Variants in CRYZL1 observed in about 807,000 individuals in gnomAD.
CRYZL1 encodes the protein ferry endosomal RAB5 effector complex subunit 4.
Under a neutral mutation model 50.6 loss-of-function variants are expected in CRYZL1, and 34 were observed. That is an observed-to-expected ratio of 0.67 (90% CI 0.51 to 0.89). The LOEUF (loss-of-function observed/expected upper bound fraction) is 0.89. CRYZL1 is among the 40% of genes least tolerant of loss of function. The pLI is 0.00. For synonymous variants in CRYZL1, 125 were observed against 134.3 expected, an observed-to-expected ratio of 0.93 and a Z score of 0.48; for missense variants, 354 against 402.3, an observed-to-expected ratio of 0.88 and a Z score of 1.03.
rs61735780 is a variant in CRYZL1 at position 33,599,168 on chromosome 21, T to C, written c.658A>G (p.Ile220Val). The C allele has an allele frequency of 4.8e-3, 7,735 of 1,613,974 alleles. 24 individuals are homozygous for C. Among genetic ancestry groups the C allele is most frequent in the Non-Finnish European group, 5.1e-3 (6,038 of 1,179,910 alleles). Residue 220 changes from isoleucine (I) to valine (V), a missense_variant, in exon 9 of 13, where the codon ATT becomes GTT. Physicochemically the swap from Ile to Val is conservative, Grantham distance 29. Coordinates refer to ENST00000381554, the MANE Select transcript of CRYZL1 (RefSeq NM_145858.3). ...LEETGGLGVD[I>V]VLDAGVRLYS... is the part of the protein sequence containing the mutation. ...TACCTACCTCCAGCATCTAGGACAA[T>C]ATCTACTCCCAGGCCACCTGTTTCT...
intron 4 of CRYZL1, among the ~76,000 whole-genome samples, chr21:33,621,338 C>T (rs1276797557): frequency 6.7e-6 from 1 of 149,654 alleles, no homozygotes; most frequent in Non-Finnish European, 1.5e-5. Flanking sequence ...AATTTTTTTT[C>T]AAATTAATAG....
At chr21:33,623,314 C>G (rs1229498715) in intron 3 of CRYZL1, among the ~76,000 whole-genome samples, 1 of 152,094 alleles carries the variant, frequency 6.6e-6, no homozygotes, top group African/African-American at 2.4e-5. Flanking sequence ...ATGGTTTTAG[C>G]AATTGCATCC....
At chr21:33,613,508 T>A (rs771036640) in intron 6 of CRYZL1, 30 bp downstream of exon 6, 1 of 1,447,264 alleles carries the variant, frequency 6.9e-7, no homozygotes. Context: ...AAGACTTATG[T>A]GAGCTCCAAA....
chr21:33,616,557 G>T (rs1253561913), intron 5 of CRYZL1, 149 bp downstream of exon 5: 1 of 1,507,470 alleles, frequency 6.6e-7, no homozygotes. Context: ...CTCCCAACGT[G>T]CTGGGATTAC....
At chr21:33,634,010 C>A (rs541734126) in intron 1 of CRYZL1, among the ~76,000 whole-genome samples, 1 of 151,994 alleles carries the variant, frequency 6.6e-6, no homozygotes, top group African/African-American at 2.4e-5. Flanking sequence ...GTTGGTTTCT[C>A]GGACGTGATA....
chr21:33,622,164 A>G (rs2087010887), intron 3 of CRYZL1, 96 bp from the exon 4 acceptor site: 1 of 952,532 alleles, frequency 1.0e-6, no homozygotes, highest in Non-Finnish European at 1.6e-6. Context: ...CAAATCACAG[A>G]AAGAGCAAAT....
At chr21:33,630,272 T>C (rs1569092822) in intron 2 of CRYZL1, among the ~76,000 whole-genome samples, 1 of 152,136 alleles carries the variant, frequency 6.6e-6, no homozygotes, top group Non-Finnish European at 1.5e-5. Flanking sequence ...AAAATATGAA[T>C]GTTCCTCAAA....
chr21:33,620,816 A>G lies in CRYZL1; in HGVS notation c.217+1180T>C, dbSNP rs150872242. Among the ~76,000 whole-genome samples the G allele has an allele frequency of 5.4e-3, 816 of 151,676 alleles. 6 individuals carry two copies. Among genetic ancestry groups the G allele is most frequent in the African/African-American group, 0.019 (777 of 41,414 alleles). On this transcript the variant is annotated intron_variant, in intron 4 of 12. Transcript: ENST00000381554. ...CAGAGTGAGACTCTGAAAAAAAACA[A>G]AAACAAAACAAAACAAAACAAAAAC...
intron 5 of CRYZL1, among the ~76,000 whole-genome samples, chr21:33,614,211 C>T (rs1177626676): frequency 1.3e-5 from 2 of 148,234 alleles, no homozygotes; most frequent in Non-Finnish European, 3.0e-5. Flanking sequence ...ATGGGTTGGG[C>T]ATGGTGGTTC....
At position 33,602,301 on chromosome 21, in the gene CRYZL1, G is replaced by C. The variant is rs370262856; in HGVS notation, c.510C>G (p.Ala170=). The change falls in exon 8 of 13, where the codon GCC becomes GCG. Residue 170 remains alanine (A), a synonymous_variant. Transcript: ENST00000381554. ...IAIQLAHHRG[A]KVISTACSLE... ...GGCTGCATGCTGTTGAAATCACTTT[G>C]GCTCCTCTATGATGTGCTAACTGAA... 6 of 1,612,620 alleles carry C rather than the reference G, an allele frequency of 3.7e-6. No individual in the cohort carries two copies. The African/African-American group carries it at 6.7e-5, about 18-fold the overall frequency.
intron 2 of CRYZL1, among the ~76,000 whole-genome samples, chr21:33,627,767 C>T (rs1331705235): frequency 1.5e-5 from 2 of 132,516 alleles, no homozygotes; most frequent in Non-Finnish European, 3.1e-5. Context: ...TTTTTTGAGA[C>T]CGAGTCTTGC....
intron 1 of CRYZL1, chr21:33,640,066 T>C (rs2087260262): frequency 7.2e-7 from 1 of 1,385,724 alleles, no homozygotes; most frequent in Admixed American, 2.2e-5. Flanking sequence ...CCTCAAGTGA[T>C]CCACCCGCCT....
At chr21:33,599,275 T>A in intron 8 of CRYZL1, 27 bp from the exon 9 acceptor site, 1 of 1,613,772 alleles carries the variant, frequency 6.2e-7, no homozygotes, top group Non-Finnish European at 8.5e-7. Context: ...ATCAGGCAAT[T>A]GTACTGTTCT....
At chr21:33,595,910 A>G in intron 10 of CRYZL1, 74 bp from the exon 11 acceptor site, 1 of 951,560 alleles carries the variant, frequency 1.1e-6, no homozygotes, top group African/African-American at 1.6e-5. Flanking sequence ...CTCGAGTCAG[A>G]AAAACTTCTA....
At position 33,595,780 on chromosome 21, in the gene CRYZL1, C is replaced by T; in HGVS notation, c.855G>A (p.Leu285=). Residue 285 remains leucine, a synonymous_variant, in exon 11 of 13, where the codon CTG becomes CTA. Coordinates refer to ENST00000381554, the MANE Select transcript of CRYZL1 (RefSeq NM_145858.3). ...LFLKGATLAF[L]NDEVWNLSNV... is the part of the protein sequence containing the mutation. ...TTGACAAATTCCAAACTTCATCATT[C>T]AGGAAAGCTAACGTTGCTCCCTTGA... is the stretch of plus-strand genomic sequence containing the variant. The T allele has an allele frequency of 6.2e-7, 1 of 1,614,132 alleles. No homozygotes were observed. Among genetic ancestry groups the T allele is most frequent in the Non-Finnish European group, 8.5e-7 (1 of 1,179,980 alleles).
At chr21:33,621,773 G>A (rs371938303) in intron 4 of CRYZL1, among the ~76,000 whole-genome samples, 8 of 152,280 alleles carry the variant, frequency 5.3e-5, no homozygotes, top group African/African-American at 1.9e-4. Context: ...CAGCAGGATT[G>A]CTTGAACCCA....
At chr21:33,614,085 T>A (rs2145938190) in intron 5 of CRYZL1, among the ~76,000 whole-genome samples, 1 of 149,674 alleles carries the variant, frequency 6.7e-6, no homozygotes, top group East Asian at 2.0e-4. Flanking sequence ...GGCAGGAGAA[T>A]CGCTTGAACC....
intron 2 of CRYZL1, among the ~76,000 whole-genome samples, chr21:33,630,806 T>C (rs529157270): frequency 2.6e-5 from 4 of 152,182 alleles, no homozygotes; most frequent in South Asian, 2.1e-4. Flanking sequence ...CAGAATACTA[T>C]TCAGCCATAA....
At chr21:33,619,999 T>C (rs2086975593) in intron 4 of CRYZL1, among the ~76,000 whole-genome samples, 1 of 152,196 alleles carries the variant, frequency 6.6e-6, no homozygotes, top group South Asian at 2.1e-4. Context: ...CCCTAGAGAG[T>C]GAACCGTTTA....
Sources: gnomAD v4.1 joint callset for allele counts (sites outside exome capture counted in the v4.1 genomes callset) on GRCh38, gnomAD v4.1.1 for gene constraint, MANE v1.5 for transcripts, NCBI Gene and HGNC (gene_info 2026-07-23, HGNC 2026-07-21) for gene names.